The following SAMSN1 variants were observed in gnomAD, a reference collection of about 807,000 sequenced individuals.
SAMSN1 encodes the protein SAM domain, SH3 domain and nuclear localization signals 1.
Under a neutral mutation model 42.0 loss-of-function variants are expected in SAMSN1, and 31 were observed. That is an observed-to-expected ratio of 0.74 (90% CI 0.55 to 1.00). The LOEUF is 1.00. SAMSN1 is among the 50% of genes least tolerant of loss of function. The pLI, the probability that SAMSN1 is intolerant of heterozygous loss-of-function variation, is 0.00. For missense variants in SAMSN1, 464 were observed against 439.4 expected (o/e 1.06, Z -0.50); for synonymous variants, 178 against 151.9 (o/e 1.17, Z -1.26).
At chr21:14,503,210 G>T (rs1448421682) in intron 5 of SAMSN1, among the ~76,000 whole-genome samples, 1 of 152,002 alleles carries the variant, frequency 6.6e-6, no homozygotes, top group African/African-American at 2.4e-5. Flanking sequence ...ATCTTGATGG[G>T]TCTGACAAAT....
At chr21:14,514,649 C>T (rs1311531969) in intron 3 of SAMSN1, among the ~76,000 whole-genome samples, 1 of 152,070 alleles carries the variant, frequency 6.6e-6, no homozygotes, top group Non-Finnish European at 1.5e-5. Context: ...TAGGGTGATT[C>T]TTAGATTTTC....
intron 1 of SAMSN1, among the ~76,000 whole-genome samples, chr21:14,529,513 A>C (rs1979100970): frequency 6.6e-6 from 1 of 152,252 alleles, no homozygotes; most frequent in African/African-American, 2.4e-5. Context: ...AAGGGTTTGC[A>C]TCATGTAATT....
Position 14,590,623 on chromosome 21 carries a change from G to C in SAMSN1, c.465+3390C>G, listed in dbSNP as rs1345241564. Among the ~76,000 whole-genome samples the C allele has an allele frequency of 2.6e-5, 4 of 152,006 alleles. No homozygotes were observed. In the East Asian group the frequency reaches 5.8e-4, roughly 22 times the overall value. ...AACTACAAAATGTATTTAGAAGGCA[G>C]ATTTCAATAATCCAATCTATCCTTG... On this transcript the variant is annotated intron_variant, in intron 7 of 15. Transcript: ENST00000647101.
At chr21:14,510,546 G>A in intron 4 of SAMSN1, 85 bp from the exon 5 acceptor site, 1 of 1,466,270 alleles carries the variant, frequency 6.8e-7, no homozygotes, top group Non-Finnish European at 9.5e-7. Flanking sequence ...TATTGATAAT[G>A]CTGGAACACT....
chr21:14,586,217 C>T (rs750609353), upstream of SAMSN1, among the ~76,000 whole-genome samples: 37 of 136,146 alleles, frequency 2.7e-4, no homozygotes, highest in South Asian at 6.9e-4. Flanking sequence ...GAGCCGAGAT[C>T]GCACCACTGA....
chr21:14,582,160 T>C, exon 2 of SAMSN1: 1 of 1,549,514 alleles, frequency 6.5e-7, no homozygotes, highest in Non-Finnish European at 8.7e-7. Flanking sequence ...GATCCATATC[T>C]GAGCAGGAAG....
chr21:14,572,844 A>G (rs1295020765), intron 2 of SAMSN1, among the ~76,000 whole-genome samples: 3 of 152,178 alleles, frequency 2.0e-5, no homozygotes, highest in Non-Finnish European at 4.4e-5. Flanking sequence ...CAAAAATTAC[A>G]AAGCCATGAT....
At chr21:14,529,163 T>G (rs1411986508) in intron 1 of SAMSN1, among the ~76,000 whole-genome samples, 1 of 152,206 alleles carries the variant, frequency 6.6e-6, no homozygotes, top group African/African-American at 2.4e-5. Context: ...CTCCTACTGT[T>G]TTTTATTCAA....
chr21:14,573,674 C>A (rs1286854572), intron 2 of SAMSN1, among the ~76,000 whole-genome samples: 1 of 152,146 alleles, frequency 6.6e-6, no homozygotes, highest in Non-Finnish European at 1.5e-5. Flanking sequence ...ACTTTTTCTG[C>A]ACATATAATT....
At chr21:14,598,418 A>AAAAATAAATG (rs1415919173) in intron 6 of SAMSN1, 1 of 152,216 alleles carries the variant, frequency 6.6e-6, no homozygotes, top group Non-Finnish European at 1.5e-5. Context: ...ACAAGAATGC[A>AAAAATAAATG]AAAATAAATG....
chr21:14,546,101 T>A, intron 1 of SAMSN1, 104 bp downstream of exon 1: 1 of 1,023,726 alleles, frequency 9.8e-7, no homozygotes, highest in South Asian at 1.5e-5. Context: ...TATGTTTGAC[T>A]TATGACTGAC....
chr21:14,658,727 G>A (rs1358186703), intron 1 of SAMSN1: 2 of 714,932 alleles, frequency 2.8e-6, no homozygotes, highest in African/African-American at 3.5e-5. Context: ...GAACATAAAT[G>A]CTGCAAATAA....
chr21:14,519,795 G>T (rs979640476), intron 2 of SAMSN1, among the ~76,000 whole-genome samples: 1 of 152,056 alleles, frequency 6.6e-6, no homozygotes, highest in Non-Finnish European at 1.5e-5. Context: ...GCTGAATCAG[G>T]TTCAATGGTA....
chr21:14,633,856 G>T (rs534681824), intron 2 of SAMSN1, among the ~76,000 whole-genome samples: 5 of 152,134 alleles, frequency 3.3e-5, no homozygotes, highest in Non-Finnish European at 2.9e-5. Flanking sequence ...CCTCATTAGT[G>T]CTGAGCTCTA....
intron 2 of SAMSN1, among the ~76,000 whole-genome samples, chr21:14,627,979 C>G (rs1309677746): frequency 6.6e-6 from 1 of 151,910 alleles, no homozygotes. Flanking sequence ...ATATCCTCAC[C>G]CAAAAAGTGA....
At chr21:14,623,690 C>A (rs192788186) in intron 2 of SAMSN1, among the ~76,000 whole-genome samples, 1 of 152,160 alleles carries the variant, frequency 6.6e-6, no homozygotes, top group African/African-American at 2.4e-5. Context: ...GACTTTAACA[C>A]CTCACTGTCA....
At chr21:14,507,240 T>C (rs1987457648) in intron 5 of SAMSN1, among the ~76,000 whole-genome samples, 1 of 152,162 alleles carries the variant, frequency 6.6e-6, no homozygotes, top group Non-Finnish European at 1.5e-5. Flanking sequence ...TCACTGAAGA[T>C]GAAGTCAAAC....
Position 14,648,862 on chromosome 21 carries a change from T to C in SAMSN1, c.25-5729A>G, listed in dbSNP as rs866101294. Among the ~76,000 whole-genome samples, 23 of 151,730 alleles carry C rather than the reference T, an allele frequency of 1.5e-4. No homozygotes were observed. In the East Asian group the frequency reaches 2.5e-3, roughly 17 times the overall value. On this transcript the variant is annotated intron_variant, in intron 1 of 15. Coordinates refer to the SAMSN1 transcript ENST00000647101. ...TCAACCATTGTGGAAGTCAGTGTGG[T>C]GATTCCTCAGGGATCTAGAACTAGA...
chr21:14,538,916 G>T (rs567560175), intron 1 of SAMSN1, among the ~76,000 whole-genome samples: 1 of 152,048 alleles, frequency 6.6e-6, no homozygotes, highest in East Asian at 1.9e-4. Context: ...AAATAACAAT[G>T]GTACTTGAAT....
Sources: allele counts gnomAD v4.1 joint callset (sites outside exome capture counted in the v4.1 genomes callset), GRCh38; gene constraint gnomAD v4.1.1; transcripts MANE v1.5; gene names NCBI Gene and HGNC (gene_info 2026-07-23, HGNC 2026-07-21).